Variants in USP24 observed in about 807,000 individuals in gnomAD.
The protein encoded by USP24 is ubiquitin carboxyl-terminal hydrolase 24.
USP24 carries 97 observed loss-of-function variants against 361.6 expected under a neutral mutation model. The ratio of observed to expected loss-of-function variants is 0.27; its 90% CI spans 0.23 to 0.32. The LOEUF (loss-of-function observed/expected upper bound fraction) is 0.32, where lower values mean the gene tolerates loss of function less well. Among genes scored for constraint, USP24 ranks in the 10% least tolerant of loss-of-function variants. USP24 has a pLI of 1.00. For missense variants in USP24, 2,353 were observed against 3,165.6 expected (o/e 0.74, Z 6.16); for synonymous variants, 1,098 against 1,124.6 (o/e 0.98, Z 0.47).
rs146448550 is a variant in USP24 at position 55,185,465 on chromosome 1, A to T, written c.325-7333T>A. ...AAAAGTTGGTTCTTTGAAAAAATTT[A>T]AAAAAAAGGGACAAACCTTCAACTA... On this transcript the variant is annotated intron_variant, in intron 1 of 67. Coordinates refer to ENST00000294383, the MANE Select transcript of USP24 (RefSeq NM_015306.3). Among the ~76,000 whole-genome samples the T allele has an allele frequency of 4.0e-3, 608 of 151,872 alleles. 1 individual carries two copies. Among genetic ancestry groups the T allele is most frequent in the Non-Finnish European group, 6.6e-3 (447 of 67,860 alleles).
At position 55,117,204 on chromosome 1, in the gene USP24, A is replaced by G. The variant is rs117109744; in HGVS notation, c.4508+3392T>C. Among the ~76,000 whole-genome samples the G allele has an allele frequency of 1.2e-4, 18 of 152,360 alleles. No homozygotes were observed. The East Asian group carries it at 2.1e-3, about 18-fold the overall frequency. On this transcript the variant is annotated intron_variant, in intron 38 of 67. Transcript: ENST00000294383. ...CTACCTCAACATAATAAAGCCAGAT[A>G]TGAAAAACTCACAGCTAACATACTC... is the stretch of plus-strand genomic sequence containing the variant.
intron 55 of USP24, among the ~76,000 whole-genome samples, chr1:55,089,188 G>A (rs917975281): frequency 3.9e-5 from 6 of 152,250 alleles, no homozygotes; most frequent in South Asian, 2.1e-4. Flanking sequence ...TTACAGGTGC[G>A]AGCCACTGCA....
chr1:55,165,632 A>T (rs1031435601), intron 7 of USP24, among the ~76,000 whole-genome samples: 2 of 152,154 alleles, frequency 1.3e-5, no homozygotes, highest in Non-Finnish European at 2.9e-5. Flanking sequence ...AGATAATTTC[A>T]TGTAACCATT....
chr1:55,159,614 G>A lies in USP24; in HGVS notation c.1065C>T (p.Asp355=). Residue 355 remains aspartate, a synonymous_variant, in exon 9 of 68, where the codon GAC becomes GAT. Coordinates refer to ENST00000294383, the MANE Select transcript of USP24 (RefSeq NM_015306.3). ...TCTGGCTGGAGAAGGCATTTACCTT[G>A]TCTTTGAGGTCTTTCTCTTCTACAC... ...VRSVEEKDLK[D]KRLVSIPELL... 1 of 1,558,962 alleles carries A rather than the reference G, an allele frequency of 6.4e-7. No homozygotes were observed. Among genetic ancestry groups the A allele is most frequent in the South Asian group, 1.2e-5 (1 of 84,692 alleles).
At chr1:55,207,007 A>G (rs1021573007) in intron 1 of USP24, among the ~76,000 whole-genome samples, 2 of 152,080 alleles carry the variant, frequency 1.3e-5, no homozygotes, top group Non-Finnish European at 2.9e-5. Context: ...TATCTACAAA[A>G]AAGAATACAA....
intron 1 of USP24, among the ~76,000 whole-genome samples, chr1:55,206,111 C>T (rs945358100): frequency 6.6e-5 from 10 of 152,140 alleles, no homozygotes; most frequent in East Asian, 1.9e-4. Flanking sequence ...TACCATGAGA[C>T]GTTTTATTTC....
chr1:55,179,957 T>G (rs1022369589), intron 1 of USP24, among the ~76,000 whole-genome samples: 11 of 152,192 alleles, frequency 7.2e-5, no homozygotes, highest in African/African-American at 2.2e-4. Flanking sequence ...CTTCATGGCT[T>G]TTCTCTGTTC....
chr1:55,082,309 A>G (rs545886838), intron 58 of USP24, among the ~76,000 whole-genome samples: 28 of 152,334 alleles, frequency 1.8e-4, no homozygotes, highest in African/African-American at 6.7e-4. Context: ...GAAGCTGCTT[A>G]ATTTTGATGA....
chr1:55,209,945 T>C (rs1644809548), intron 1 of USP24, among the ~76,000 whole-genome samples: 1 of 152,206 alleles, frequency 6.6e-6, no homozygotes, highest in Non-Finnish European at 1.5e-5. Context: ...TACTTAAGTA[T>C]ATGGACATAT....
At chr1:55,152,205 A>G (rs1191847178) in intron 16 of USP24, among the ~76,000 whole-genome samples, 1 of 152,176 alleles carries the variant, frequency 6.6e-6, no homozygotes, top group East Asian at 1.9e-4. Flanking sequence ...CTTTACTGGG[A>G]GCAGTGGGGA....
intron 1 of USP24, among the ~76,000 whole-genome samples, chr1:55,191,943 T>C (rs1259364584): frequency 6.6e-6 from 1 of 152,234 alleles, no homozygotes; most frequent in Non-Finnish European, 1.5e-5. Flanking sequence ...CTACCTTTCA[T>C]ATTGCAAATT....
rs1647428641 is a variant in USP24, at chr1:55,154,592, G to T, written c.1554+79C>A. ...TACATTTAAATACTGCTAACTGGTG[G>T]GGAGGAGGGGTATTCAGGACCTCAA... On this transcript the variant is annotated intron_variant, in intron 13 of 67. Coordinates refer to ENST00000294383, the MANE Select transcript of USP24 (RefSeq NM_015306.3). 2.8e-6 allele frequency: 4 copies of T among 1,445,134 alleles called. No individual in the cohort carries two copies. In the South Asian group the frequency reaches 3.7e-5, roughly 13 times the overall value. 89.5% of individuals were successfully genotyped at this position (1,445,134 alleles called of 1,614,324 possible).
chr1:55,176,656 G>A (rs1650012367), intron 2 of USP24, among the ~76,000 whole-genome samples: 1 of 152,128 alleles, frequency 6.6e-6, no homozygotes, highest in Non-Finnish European at 1.5e-5. Context: ...ATGAAGGAAA[G>A]GCTGAGAAAT....
chr1:55,186,995 A>G (rs916939524), intron 1 of USP24, among the ~76,000 whole-genome samples: 1 of 152,266 alleles, frequency 6.6e-6, no homozygotes, highest in Non-Finnish European at 1.5e-5. Flanking sequence ...CCCTAGGAAT[A>G]GTGACACAAA....
intron 54 of USP24, among the ~76,000 whole-genome samples, chr1:55,091,717 C>T (rs745412943): frequency 4.6e-5 from 7 of 152,190 alleles, no homozygotes; most frequent in Non-Finnish European, 8.8e-5. Context: ...TTTTGCCTTT[C>T]GAAACCCTCT....
intron 1 of USP24, among the ~76,000 whole-genome samples, chr1:55,189,139 T>G (rs928847154): frequency 6.6e-6 from 1 of 152,268 alleles, no homozygotes; most frequent in Admixed American, 6.5e-5. Context: ...GACATAACAA[T>G]TCCATTCATA....
intron 1 of USP24, among the ~76,000 whole-genome samples, chr1:55,206,923 T>C (rs982328304): frequency 3.3e-5 from 5 of 152,044 alleles, no homozygotes; most frequent in Admixed American, 3.3e-4. Flanking sequence ...TCTCAGCACT[T>C]GAGGAGGCTG....
At chr1:55,095,431 A>G in intron 50 of USP24, 35 bp from the exon 51 acceptor site, 2 of 1,554,194 alleles carry the variant, frequency 1.3e-6, no homozygotes, top group Non-Finnish European at 1.7e-6. Flanking sequence ...ACATCTGTAA[A>G]TAAAAGTTTT....
At position 55,077,282 on chromosome 1, in the gene USP24, G is replaced by C; in HGVS notation, c.7333C>G (p.Pro2445Ala). ...AACGTATTCTTTAACTCATGAGGTGGAGCCGTTTCTAGTTGGTTCTGAAAT... is the reference window on the plus strand; with the variant it reads ...AACGTATTCTTTAACTCATGAGGTGCAGCCGTTTCTAGTTGGTTCTGAAAT... ...HFIKNQLETA[P>A]PHELKNTFQL... Residue 2445 changes from proline (P) to alanine (A), a missense_variant, in exon 62 of 68, where the codon CCA (proline) becomes GCA (alanine). This residue lies in a region of USP24 where 598 missense variants were observed against 761.9 expected (regional missense o/e 0.78). Coordinates refer to ENST00000294383, the MANE Select transcript of USP24 (RefSeq NM_015306.3). 1 of 1,564,816 alleles carries C rather than the reference G, an allele frequency of 6.4e-7. No individual in the cohort carries two copies. The highest frequency in any genetic ancestry group is 8.7e-7 in the Non-Finnish European group (1 of 1,151,084).
Sources: allele counts gnomAD v4.1 joint callset (sites outside exome capture counted in the v4.1 genomes callset), GRCh38; gene constraint gnomAD v4.1.1; regional missense constraint gnomAD v4.1.1; transcripts MANE v1.5; gene names NCBI Gene and HGNC (gene_info 2026-07-23, HGNC 2026-07-21).